Variants in RBFOX3 observed in about 807,000 individuals in gnomAD.
RBFOX3 encodes the protein RNA binding protein fox-1 homolog 3.
Under a neutral mutation model 48.7 loss-of-function variants are expected in RBFOX3, and 17 were observed. The observed-to-expected ratio is 0.35, with a 90% confidence interval of 0.24 to 0.52. RBFOX3 has a LOEUF of 0.52. Among genes scored for constraint, RBFOX3 ranks in the 20% least tolerant of loss-of-function variants. The pLI is 0.94. For synonymous variants in RBFOX3, 212 were observed against 209.5 expected (o/e 1.01, Z -0.10); for missense variants, 382 against 497.5 (o/e 0.77, Z 2.21).
At chr17:79,349,450 C>A (rs111382528) in intron 2 of RBFOX3, among the ~76,000 whole-genome samples, 74 of 152,190 alleles carry the variant, frequency 4.9e-4, no homozygotes, top group African/African-American at 1.7e-3. Flanking sequence ...ACTTCTCCCA[C>A]CTTCTCCTCC....
the RBFOX3 span, among the ~76,000 whole-genome samples, chr17:79,654,542 G>A: frequency 5.3e-5 from 8 of 152,296 alleles, no homozygotes; most frequent in East Asian, 1.5e-3. Flanking sequence ...CGGCCCAGCT[G>A]GAGAATTCAA....
intron 2 of RBFOX3, among the ~76,000 whole-genome samples, chr17:79,332,005 C>T (rs1568057093): frequency 6.6e-6 from 1 of 152,210 alleles, no homozygotes. Context: ...TCCATTCTAT[C>T]TCAGGTCTGA....
chr17:79,300,720 A>G (rs112527914), intron 3 of RBFOX3, among the ~76,000 whole-genome samples: 7,466 of 152,134 alleles, frequency 0.049, 211 homozygotes, highest in African/African-American at 0.072. Flanking sequence ...TCCCCAGGGG[A>G]TCTAGTTTCC....
intron 1 of RBFOX3, among the ~76,000 whole-genome samples, chr17:79,520,769 C>T (rs903343121): frequency 6.6e-6 from 1 of 152,120 alleles, no homozygotes; most frequent in Non-Finnish European, 1.5e-5. Flanking sequence ...GGGAAAGAGT[C>T]GGGCCCTCCC....
At chr17:79,318,420 C>T (rs939494919) in intron 2 of RBFOX3, among the ~76,000 whole-genome samples, 1 of 152,150 alleles carries the variant, frequency 6.6e-6, no homozygotes, top group African/African-American at 2.4e-5. Flanking sequence ...TTCATAGCCA[C>T]CACCCCTTAC....
In RBFOX3 at chr17:79,243,833, G is replaced by A. The variant is rs559462280; in HGVS notation, c.-73-8028C>T. 7.2e-5 allele frequency among the ~76,000 whole-genome samples: 11 copies of A among 152,176 alleles called. No individual in the cohort carries two copies. The highest frequency in any genetic ancestry group is 4.1e-4 in the South Asian group (2 of 4,822). On this transcript the variant is annotated intron_variant, in intron 3 of 14. Transcript: ENST00000693108. The surrounding 1 kb of genome is among the most constrained non-coding windows in gnomAD (Gnocchi z 7.9). ...AAGGGCAGAGCCAAGACAAGAAGGCGCAATGCCACCAAGCAGATGGCAGTG... is the reference window on the plus strand; with the variant it reads ...AAGGGCAGAGCCAAGACAAGAAGGCACAATGCCACCAAGCAGATGGCAGTG...
At chr17:79,340,289 A>C (rs1181169800) in intron 2 of RBFOX3, among the ~76,000 whole-genome samples, 1 of 138,128 alleles carries the variant, frequency 7.2e-6, no homozygotes, top group African/African-American at 2.6e-5. Context: ...ATAGAGTGAG[A>C]CTCCATCTCA....
intron 4 of RBFOX3, among the ~76,000 whole-genome samples, chr17:79,174,901 G>A (rs1346293242): frequency 6.6e-6 from 1 of 152,220 alleles, no homozygotes; most frequent in Non-Finnish European, 1.5e-5. Context: ...ACGAATCCCA[G>A]CAAAATGCAC....
At chr17:79,579,267 G>A (rs909220884) in intron 1 of RBFOX3, among the ~76,000 whole-genome samples, 43 of 135,358 alleles carry the variant, frequency 3.2e-4, no homozygotes, top group Non-Finnish European at 1.1e-4. Flanking sequence ...CGGTTGACAC[G>A]GGTGCTGGCT....
chr17:79,253,700 C>G lies in RBFOX3; in HGVS notation c.-73-17895G>C, dbSNP rs114400588. Reference sequence around the variant, plus strand: ...AATCCCTGGCTGGCCAGTCTGTCTGCGGTTAGGGTGGCAGGGGTGTCCCCA... The same window carrying G: ...AATCCCTGGCTGGCCAGTCTGTCTGGGGTTAGGGTGGCAGGGGTGTCCCCA... On this transcript the variant is annotated intron_variant, in intron 3 of 14. Transcript: ENST00000693108. 6.8e-3 allele frequency among the ~76,000 whole-genome samples: 1,031 copies of G among 152,236 alleles called. 8 individuals are homozygous for G. Among genetic ancestry groups the G allele is most frequent in the African/African-American group, 0.023 (964 of 41,524 alleles).
intron 4 of RBFOX3, among the ~76,000 whole-genome samples, chr17:79,138,825 TCA>T: frequency 1.6e-5 from 1 of 63,480 alleles, no homozygotes. Flanking sequence ...TCACACCCCC[TCA>T]CCCACACACA....
intron 2 of RBFOX3, among the ~76,000 whole-genome samples, chr17:79,348,568 T>C (rs2083296423): frequency 7.5e-6 from 1 of 133,860 alleles, no homozygotes; most frequent in Non-Finnish European, 1.6e-5. Context: ...TTCTTTTCTT[T>C]TCCTTTTTTT....
intron 2 of RBFOX3, among the ~76,000 whole-genome samples, chr17:79,365,127 GCA>G (rs71365559): frequency 3.7e-4 from 56 of 150,722 alleles, no homozygotes; most frequent in Admixed American, 2.4e-3. Context: ...CTGGATGTGC[GCA>G]CACACACACA....
chr17:79,646,606 C>T, the RBFOX3 span, among the ~76,000 whole-genome samples: 2 of 152,110 alleles, frequency 1.3e-5, no homozygotes, highest in Non-Finnish European at 2.9e-5. Flanking sequence ...GAAACTGCCC[C>T]CATGATTTGA....
Position 79,482,532 on chromosome 17 carries a change from A to AG in RBFOX3, c.-254dup, listed in dbSNP as rs1454382879. The AG allele has an allele frequency of 1.3e-5, 2 of 152,174 alleles. No individual in the cohort carries two copies. The highest frequency in any genetic ancestry group is 2.9e-5 in the Non-Finnish European group (2 of 67,996). 9.4% of individuals were successfully genotyped at this position (152,174 alleles called of 1,614,324 possible). A position where few individuals can be genotyped will look rare whatever the true frequency, so the allele number is the denominator to read the frequency against. On this transcript the variant is annotated 5_prime_UTR_variant, in exon 2 of 15. Coordinates refer to ENST00000693108, the MANE Select transcript of RBFOX3 (RefSeq NM_001350451.2). The surrounding 1 kb of genome is among the most constrained non-coding windows in gnomAD (Gnocchi z 4.1). ...TCCTTCTGGACCGTCCTTGGCAAGG[A>AG]GGGGGCTGCTGGGGAGGAGTGGCGA...
At chr17:79,126,396 G>A (rs996744434) in intron 4 of RBFOX3, among the ~76,000 whole-genome samples, 34 of 152,336 alleles carry the variant, frequency 2.2e-4, no homozygotes, top group Admixed American at 1.3e-4. Context: ...CCCCTGCCCG[G>A]CCCACAGCCC....
At position 79,423,465 on chromosome 17, in the gene RBFOX3, C is replaced by T. The variant is rs1598627235; in HGVS notation, c.-175+58989G>A. ...GTGCCCAGCCCCCGGCTATTCTCAG[C>T]ACAGCAGCCAAAGAGATTCCTTTAA... On this transcript the variant is annotated intron_variant, in intron 2 of 14. Coordinates refer to ENST00000693108, the MANE Select transcript of RBFOX3 (RefSeq NM_001350451.2). The surrounding 1 kb of genome is among the most constrained non-coding windows in gnomAD (Gnocchi z 4.9). Among the ~76,000 whole-genome samples, 4 of 152,256 alleles carry T rather than the reference C, an allele frequency of 2.6e-5. No individual in the cohort carries two copies. The highest frequency in any genetic ancestry group is 1.5e-5 in the Non-Finnish European group (1 of 68,014).
chr17:79,628,954 G>A, the RBFOX3 span, among the ~76,000 whole-genome samples: 4 of 151,744 alleles, frequency 2.6e-5, no homozygotes, highest in East Asian at 1.9e-4. Flanking sequence ...AGCTGCCTTC[G>A]TGATCCACTT....
At chr17:79,105,474 C>T (rs1417142940) in intron 6 of RBFOX3, among the ~76,000 whole-genome samples, 2 of 151,990 alleles carry the variant, frequency 1.3e-5, no homozygotes, top group Admixed American at 1.3e-4. Flanking sequence ...CCAGAGAAAC[C>T]TGGCAGCTTG....
Sources: allele counts gnomAD v4.1 joint callset (sites outside exome capture counted in the v4.1 genomes callset), GRCh38; gene constraint gnomAD v4.1.1; non-coding constraint Gnocchi (gnomAD v3.1); transcripts MANE v1.5; gene names NCBI Gene and HGNC (gene_info 2026-07-23, HGNC 2026-07-21).